ZNF536: variants seen among roughly 807,000 people sequenced by gnomAD.
ZNF536 encodes zinc finger protein 536.
In ZNF536, 13 loss-of-function variants were observed where a neutral mutation model predicts 84.5. That is an observed-to-expected ratio of 0.15 (90% CI 0.10 to 0.24). The LOEUF is 0.24. Among genes scored for constraint, ZNF536 ranks in the 10% least tolerant of loss-of-function variants. The probability of loss-of-function intolerance (pLI) is 1.00; values close to 1 mark genes in which losing one functional copy is unlikely to be tolerated. For synonymous variants in ZNF536, 811 were observed against 742.5 expected (o/e 1.09, Z -1.50); for missense variants, 1,536 against 1,747.5 (o/e 0.88, Z 2.16).
chr19:30,477,570 G>T (rs985696074), intron 2 of ZNF536, among the ~76,000 whole-genome samples: 4 of 152,214 alleles, frequency 2.6e-5, no homozygotes, highest in Non-Finnish European at 5.9e-5. Context: ...GAGTATTCCA[G>T]CAGTGGTTGG....
intron 3 of ZNF536, among the ~76,000 whole-genome samples, chr19:30,365,091 G>T (rs1271208628): frequency 6.6e-6 from 1 of 152,244 alleles, no homozygotes; most frequent in African/African-American, 2.4e-5. Flanking sequence ...ATGGTCACTA[G>T]TGATCTGAAA....
intron 2 of ZNF536, among the ~76,000 whole-genome samples, chr19:30,469,035 G>A (rs1227683499): frequency 6.6e-6 from 1 of 152,102 alleles, no homozygotes; most frequent in East Asian, 1.9e-4. Flanking sequence ...GGGCCCTGGG[G>A]GACTGCTGCA....
chr19:30,506,016 T>G (rs73022878), intron 2 of ZNF536, among the ~76,000 whole-genome samples: 14,613 of 151,542 alleles, frequency 0.096, 969 homozygotes, highest in Non-Finnish European at 0.15. Flanking sequence ...TTAGAAAATT[T>G]TCTTTAATTT....
At chr19:30,232,589 A>G (rs937305239) in intron 1 of ZNF536, among the ~76,000 whole-genome samples, 3 of 152,234 alleles carry the variant, frequency 2.0e-5, no homozygotes, top group Admixed American at 1.3e-4. Flanking sequence ...TCACTTTTAA[A>G]AATCACTGTA....
intron 2 of ZNF536, among the ~76,000 whole-genome samples, chr19:30,344,146 G>C (rs2047654163): frequency 6.6e-6 from 1 of 151,440 alleles, no homozygotes; most frequent in African/African-American, 2.4e-5. Flanking sequence ...CCTGCCCCCA[G>C]TTGGCAGACA....
chr19:30,543,845 TC>T (rs2045435205), intron 3 of ZNF536, among the ~76,000 whole-genome samples: 1 of 152,016 alleles, frequency 6.6e-6, no homozygotes, highest in African/African-American at 2.4e-5. Flanking sequence ...CTGGGATGTT[TC>T]CAGTGGAGCA....
intron 3 of ZNF536, among the ~76,000 whole-genome samples, chr19:30,353,756 G>A (rs1487253016): frequency 1.3e-5 from 2 of 152,226 alleles, no homozygotes; most frequent in Non-Finnish European, 2.9e-5. Context: ...GAATGTCTGC[G>A]AAGACTATTT....
At position 30,362,329 on chromosome 19, in the gene ZNF536, C is replaced by T. The variant is rs145176038; in HGVS notation, c.-3+9845C>T. On this transcript the variant is annotated intron_variant, in intron 3 of 5. Transcript: ENST00000585628. ...GCTCCGGAAGATGAGAGCCGCATCTCAACACTTTGTTGTAAAGGTAGTCAG... is the reference window on the plus strand; with the variant it reads ...GCTCCGGAAGATGAGAGCCGCATCTTAACACTTTGTTGTAAAGGTAGTCAG... 1.9e-3 allele frequency among the ~76,000 whole-genome samples: 282 copies of T among 152,272 alleles called. 7 individuals carry two copies. In the East Asian group the frequency reaches 0.047, roughly 25 times the overall value.
At chr19:30,298,005 C>T (rs894211554) in intron 2 of ZNF536, among the ~76,000 whole-genome samples, 3 of 151,926 alleles carry the variant, frequency 2.0e-5, no homozygotes, top group Non-Finnish European at 2.9e-5. Flanking sequence ...CTCAGCCTCC[C>T]GAGTAGCTGA....
At chr19:30,333,251 G>C (rs1038423692) in intron 2 of ZNF536, among the ~76,000 whole-genome samples, 1 of 152,204 alleles carries the variant, frequency 6.6e-6, no homozygotes, top group Non-Finnish European at 1.5e-5. Context: ...GGCCCTGGTA[G>C]AGGGACCTCT....
intron 1 of ZNF536, among the ~76,000 whole-genome samples, chr19:30,238,537 T>G (rs1231119067): frequency 5.3e-5 from 8 of 152,142 alleles, no homozygotes; most frequent in Admixed American, 1.3e-4. Flanking sequence ...TTATAAACTG[T>G]GCTTTCCATC....
chr19:30,625,404 C>T (rs2147180609), intron 1 of ZNF536, among the ~76,000 whole-genome samples: 1 of 152,184 alleles, frequency 6.6e-6, no homozygotes, highest in South Asian at 2.1e-4. Flanking sequence ...CATTATATGT[C>T]CTAAAATGAG....
intron 2 of ZNF536, among the ~76,000 whole-genome samples, chr19:30,456,806 C>T (rs1186723577): frequency 1.3e-5 from 2 of 152,018 alleles, no homozygotes; most frequent in Non-Finnish European, 2.9e-5. Context: ...CTTTGGGAAG[C>T]CAAGGTGGGC....
At chr19:30,513,272 A>C (rs1048451559) in intron 2 of ZNF536, among the ~76,000 whole-genome samples, 1 of 152,134 alleles carries the variant, frequency 6.6e-6, no homozygotes, top group Admixed American at 6.6e-5. Context: ...TCCTTCCTAC[A>C]TCTTGTGTGC....
At chr19:30,312,642 G>C (rs915198893) in intron 2 of ZNF536, among the ~76,000 whole-genome samples, 1 of 152,192 alleles carries the variant, frequency 6.6e-6, no homozygotes, top group South Asian at 2.1e-4. Context: ...TGCATGGGGG[G>C]ACCAGGTGTC....
intron 2 of ZNF536, among the ~76,000 whole-genome samples, chr19:30,524,806 T>A (rs1568515064): frequency 1.3e-5 from 2 of 152,156 alleles, no homozygotes; most frequent in African/African-American, 4.8e-5. Context: ...TACGTAGACA[T>A]CTTTTGGGAA....
chr19:30,455,474 G>A (rs1302376188), intron 2 of ZNF536, among the ~76,000 whole-genome samples: 1 of 152,076 alleles, frequency 6.6e-6, no homozygotes, highest in African/African-American at 2.4e-5. Flanking sequence ...GGCCGAGGTG[G>A]GCAGATCACT....
chr19:30,403,209 G>A (rs1262501742), intron 1 of ZNF536, among the ~76,000 whole-genome samples: 5 of 152,256 alleles, frequency 3.3e-5, no homozygotes, highest in South Asian at 2.1e-4. Flanking sequence ...CATTTCAGAC[G>A]TCGGAGTGAC....
intron 1 of ZNF536, among the ~76,000 whole-genome samples, chr19:30,564,787 T>C (rs1250582096): frequency 6.6e-6 from 1 of 152,214 alleles, no homozygotes; most frequent in Admixed American, 6.5e-5. Context: ...CTTTGTGTTT[T>C]ATGCTCTTTT....
Sources: gnomAD v4.1 joint callset for allele counts (sites outside exome capture counted in the v4.1 genomes callset) on GRCh38, gnomAD v4.1.1 for gene constraint, MANE v1.5 for transcripts, NCBI Gene and HGNC (gene_info 2026-07-23, HGNC 2026-07-21) for gene names.